Variants in ASIC4 observed in about 807,000 individuals in gnomAD.
The protein encoded by ASIC4 is acid sensing ion channel subunit family member 4, also known as acid-sensing ion channel 4.
In ASIC4, 28 loss-of-function variants were observed where a neutral mutation model predicts 53.4. The ratio of observed to expected loss-of-function variants is 0.52; its 90% CI spans 0.39 to 0.72. The LOEUF is 0.72. ASIC4 is among the 30% of genes least tolerant of loss of function. ASIC4 has a pLI of 0.00. For synonymous variants in ASIC4, 289 were observed against 301.4 expected (o/e 0.96, Z 0.43); for missense variants, 649 against 729.7 (o/e 0.89, Z 1.27).
At chr2:219,535,362 C>G (rs766294390) in intron 6 of ASIC4, 38 bp downstream of exon 6, 19 of 1,526,282 alleles carry the variant, frequency 1.2e-5, no homozygotes, top group Non-Finnish European at 1.6e-5. Context: ...CTGTGTGACT[C>G]TGTGTGTACG....
At chr2:219,522,352 A>T (rs2125659881) in intron 1 of ASIC4, among the ~76,000 whole-genome samples, 1 of 135,320 alleles carries the variant, frequency 7.4e-6, no homozygotes, top group African/African-American at 2.7e-5. Context: ...GTAAATACCA[A>T]ACGGGGGGAG....
In ASIC4 at chr2:219,536,961, CCCCA is replaced by C; in HGVS notation, c.1230-104_1230-101del. 1.0e-6 allele frequency: 1 copy of C among 990,906 alleles called. No individual in the cohort carries two copies. Among genetic ancestry groups the C allele is most frequent in the Non-Finnish European group, 1.5e-6 (1 of 650,052 alleles). 61.4% of individuals were successfully genotyped at this position (990,906 alleles called of 1,614,324 possible). A position where few individuals can be genotyped will look rare whatever the true frequency, so the allele number is the denominator to read the frequency against. The stretch of plus-strand genomic sequence containing the variant: ...GAGTCCGGGGGGTAGTCACTGACTT[CCCCA>C]TGTAGTGATCTCTGATCAGGATCTG... On this transcript the variant is annotated intron_variant, in intron 6 of 9. Transcript: ENST00000358078. The surrounding 1 kb of genome is among the most constrained non-coding windows in gnomAD (Gnocchi z 4.6).
chr2:219,521,427 C>G (rs985908241), intron 1 of ASIC4, among the ~76,000 whole-genome samples: 6 of 152,254 alleles, frequency 3.9e-5, no homozygotes, highest in Non-Finnish European at 7.3e-5. Context: ...CCTGGACCCC[C>G]ACCCCTGCCC....
chr2:219,514,286 C>G, upstream of ASIC4: 1 of 1,473,638 alleles, frequency 6.8e-7, no homozygotes, highest in Non-Finnish European at 9.0e-7. Context: ...CCCGTGCTGC[C>G]GGTGAAACGC....
Position 219,537,562 on chromosome 2 carries a change from T to A in ASIC4, c.1402-70T>A, listed in dbSNP as rs1400900558. On this transcript the variant is annotated intron_variant, in intron 8 of 9. Coordinates refer to ENST00000358078, the MANE Select transcript of ASIC4 (RefSeq NM_018674.6). This position sits in a 1 kb window ranked among gnomAD's most constrained non-coding sequence, Gnocchi z 4.9. Reference sequence around the variant, plus strand: ...AGTAAGTCCTGTGGGCAGCTGGGCATGGTAAGGCTCACGCTTCTCCTCAAC... The same window carrying A: ...AGTAAGTCCTGTGGGCAGCTGGGCAAGGTAAGGCTCACGCTTCTCCTCAAC... 5 of 1,380,874 alleles carry A rather than the reference T, an allele frequency of 3.6e-6. No individual in the cohort carries two copies. The highest frequency in any genetic ancestry group is 1.4e-5 in the African/African-American group (1 of 69,710). The allele number at this position is 1,380,874 out of a possible 1,614,324, so 85.5% of individuals were successfully genotyped here.
chr2:219,534,010 A>G (rs1195676941), intron 5 of ASIC4: 1 of 133,734 alleles, frequency 7.5e-6, no homozygotes, highest in Non-Finnish European at 1.5e-5. Flanking sequence ...CTCTAGTCTG[A>G]GCTACAGAGT....
upstream of ASIC4, chr2:219,514,233 C>G: frequency 7.7e-7 from 1 of 1,301,028 alleles, no homozygotes; most frequent in Non-Finnish European, 1.0e-6. Flanking sequence ...GGATCTCTGT[C>G]CTGGGCTGGG....
At chr2:219,521,478 C>T (rs1225302171) in intron 1 of ASIC4, among the ~76,000 whole-genome samples, 2 of 152,184 alleles carry the variant, frequency 1.3e-5, no homozygotes, top group East Asian at 1.9e-4. Flanking sequence ...TTGTGGCTGG[C>T]GGCAGGGCTG....
Position 219,537,472 on chromosome 2 carries a change from C to T in ASIC4, c.1401+151C>T. ...CCTGACTGGCTGGCAGGCCTGAGGG[C>T]TCAGAGTCAGGAGAAGGGGATGGGT... is the stretch of plus-strand genomic sequence containing the variant. On this transcript the variant is annotated intron_variant, in intron 8 of 9. Transcript: ENST00000358078. This position sits in a 1 kb window ranked among gnomAD's most constrained non-coding sequence, Gnocchi z 4.9. 1 of 1,111,598 alleles carries T rather than the reference C, an allele frequency of 9.0e-7. No individual in the cohort carries two copies. Among genetic ancestry groups the T allele is most frequent in the Non-Finnish European group, 1.3e-6 (1 of 767,808 alleles). 68.9% of individuals were successfully genotyped at this position (1,111,598 alleles called of 1,614,324 possible). A position where few individuals can be genotyped will look rare whatever the true frequency, so the allele number is the denominator to read the frequency against.
chr2:219,535,291 C>T lies in ASIC4; in HGVS notation c.1196C>T (p.Ala399Val), dbSNP rs774953081. The T allele has an allele frequency of 3.0e-5, 48 of 1,611,966 alleles. No homozygotes were observed. The highest frequency in any genetic ancestry group is 5.5e-5 in the South Asian group (5 of 90,952). The change falls in exon 6 of 10, where the codon GCG becomes GTG. Residue 399 changes from alanine (A) to valine (V), a missense_variant. Ala to Val is a moderately conservative substitution (Grantham distance 64, BLOSUM62 0). Coordinates refer to ENST00000358078, the MANE Select transcript of ASIC4 (RefSeq NM_018674.6). ...IPNRGSARYLARKYNRNETYI... is the reference protein window; with the variant it reads ...IPNRGSARYLVRKYNRNETYI... ...AACAGGGGCTCAGCCCGGTACCTGG[C>T]GAGGAAGTACAACCGCAACGAGACC... is the stretch of plus-strand genomic sequence containing the variant.
At chr2:219,521,408 G>A (rs1429348980) in intron 1 of ASIC4, among the ~76,000 whole-genome samples, 1 of 152,178 alleles carries the variant, frequency 6.6e-6, no homozygotes, top group Non-Finnish European at 1.5e-5. Flanking sequence ...TCCCCTGCCC[G>A]CACTCCTTCC....
At chr2:219,532,834 G>A in intron 4 of ASIC4, 49 bp from the exon 5 acceptor site, 1 of 1,558,804 alleles carries the variant, frequency 6.4e-7, no homozygotes. Context: ...GCGTGTGGGG[G>A]ACAGGGGAAG....
At chr2:219,512,482 T>G (rs1694714737), upstream of ASIC4, among the ~76,000 whole-genome samples, 1 of 148,822 alleles carries the variant, frequency 6.7e-6, no homozygotes. Context: ...AAAAAAACAG[T>G]AAAGAAAAAT....
upstream of ASIC4, among the ~76,000 whole-genome samples, chr2:219,509,323 A>G (rs1694668779): frequency 6.7e-6 from 1 of 148,446 alleles, no homozygotes; most frequent in East Asian, 2.1e-4. The surrounding 1 kb of genome is among the most constrained non-coding windows in gnomAD (Gnocchi z 5.2). Context: ...TCCCCAAAAC[A>G]CAAAGGGGGT....
chr2:219,530,696 C>T (rs921105865), intron 1 of ASIC4, among the ~76,000 whole-genome samples: 8 of 151,982 alleles, frequency 5.3e-5, no homozygotes, highest in African/African-American at 1.5e-4. Flanking sequence ...AGTGTGTGTG[C>T]GGGGGCATTC....
rs1466686297 is a variant in ASIC4 at position 219,532,540 on chromosome 2, G to A, written c.1018+63G>A. 3.2e-6 allele frequency: 5 copies of A among 1,565,780 alleles called. No individual in the cohort carries two copies. The South Asian group carries it at 5.8e-5, about 18-fold the overall frequency. ...CTGCTAGGCTCCAGAGCCTCCCGGG[G>A]CAAGGCACTGCTCATGTGCACAGGC... is the stretch of plus-strand genomic sequence containing the variant. On this transcript the variant is annotated intron_variant, in intron 4 of 9. Transcript: ENST00000358078.
chr2:219,537,139 G>A lies in ASIC4; in HGVS notation c.1303G>A (p.Gly435Ser), dbSNP rs768744166. 1.9e-6 allele frequency: 3 copies of A among 1,614,070 alleles called. No individual in the cohort carries two copies. The highest frequency in any genetic ancestry group is 1.1e-5 in the South Asian group (1 of 91,080). ...SEAMEQRAAY[G>S]LSALLGDLGG... ...AGCCATGGAGCAGCGAGCAGCCTATGGCCTGTCAGCCCTGCTGGGTGAGAC... is the reference window on the plus strand; with the variant it reads ...AGCCATGGAGCAGCGAGCAGCCTATAGCCTGTCAGCCCTGCTGGGTGAGAC... The change falls in exon 7 of 10, where the codon GGC (glycine) becomes AGC (serine). Residue 435 changes from glycine (G) to serine (S), a missense_variant. By Grantham distance (56) the Gly-to-Ser change is moderately conservative. Transcript: ENST00000358078. This position sits in a 1 kb window ranked among gnomAD's most constrained non-coding sequence, Gnocchi z 4.9.
chr2:219,528,021 C>G (rs895333623), intron 1 of ASIC4, among the ~76,000 whole-genome samples: 1 of 152,246 alleles, frequency 6.6e-6, no homozygotes, highest in Non-Finnish European at 1.5e-5. Context: ...GAGTGAGGAG[C>G]TCATAACGTG....
chr2:219,512,184 C>T (rs1006724609), upstream of ASIC4, among the ~76,000 whole-genome samples: 8 of 152,236 alleles, frequency 5.3e-5, no homozygotes, highest in South Asian at 8.3e-4. Flanking sequence ...CAGCACCCCC[C>T]GCATGCCCCT....
Sources: allele counts gnomAD v4.1 joint callset (sites outside exome capture counted in the v4.1 genomes callset), GRCh38; gene constraint gnomAD v4.1.1; non-coding constraint Gnocchi (gnomAD v3.1); transcripts MANE v1.5; gene names NCBI Gene and HGNC (gene_info 2026-07-23, HGNC 2026-07-21).